Variants in NRXN2 observed in about 807,000 individuals in gnomAD.
NRXN2 encodes the protein neurexin-2-beta.
In NRXN2, 29 loss-of-function variants were observed where a neutral mutation model predicts 128.8. The observed-to-expected ratio is 0.23, with a 90% CI of 0.17 to 0.31. The LOEUF is 0.31. NRXN2 is among the 10% of genes least tolerant of loss of function. The pLI is 1.00. For synonymous variants in NRXN2, 1,098 were observed against 1,075.2 expected (o/e 1.02, Z -0.41); for missense variants, 1,881 against 2,452.6 (o/e 0.77, Z 4.92).
At chr11:64,633,227 T>C (rs1433051011) in intron 18 of NRXN2, among the ~76,000 whole-genome samples, 2 of 152,228 alleles carry the variant, frequency 1.3e-5, no homozygotes, top group Non-Finnish European at 2.9e-5. Context: ...CTGATCCCCC[T>C]ACCCTTTCTC....
intron 7 of NRXN2, among the ~76,000 whole-genome samples, chr11:64,674,469 G>A (rs947210036): frequency 6.6e-6 from 1 of 152,172 alleles, no homozygotes; most frequent in African/African-American, 2.4e-5. Context: ...TGGGATTACA[G>A]GCATGAGCCC....
chr11:64,641,142 C>T (rs902721361), intron 17 of NRXN2, among the ~76,000 whole-genome samples: 5 of 151,610 alleles, frequency 3.3e-5, no homozygotes, highest in South Asian at 2.1e-4. Context: ...TGGGAGGCGA[C>T]GGACATGGAA....
chr11:64,688,931 A>G (rs2053460923), intron 5 of NRXN2: 3 of 411,890 alleles, frequency 7.3e-6, no homozygotes, highest in Non-Finnish European at 9.8e-6. Context: ...TTACTGCCTA[A>G]TAACATCTTG....
In NRXN2 at chr11:64,630,517, G is replaced by T. The variant is rs967371207; in HGVS notation, c.3642C>A (p.Asp1214Glu). ...FNVGTDDITI[D>E]EPNAIVSDGK... is the part of the protein sequence containing the mutation. ...CGTCGCTTACTATGGCGTTGGGCTCGTCGATGGTAATGTCGTCCGTGCCCA... is the reference window on the plus strand; with the variant it reads ...CGTCGCTTACTATGGCGTTGGGCTCTTCGATGGTAATGTCGTCCGTGCCCA... Residue 1214 changes from aspartate (D) to glutamate (E), a missense_variant, in exon 19 of 23, where the codon GAC becomes GAA. Asp to Glu is a conservative substitution (Grantham distance 45, BLOSUM62 2). Coordinates refer to ENST00000265459, the MANE Select transcript of NRXN2 (RefSeq NM_015080.4). The surrounding 1 kb of genome is among the most constrained non-coding windows in gnomAD (Gnocchi z 4.6). 6.2e-7 allele frequency: 1 copy of T among 1,613,950 alleles called. No homozygotes were observed. Among genetic ancestry groups the T allele is most frequent in the Non-Finnish European group, 8.5e-7 (1 of 1,180,028 alleles).
intron 2 of NRXN2, among the ~76,000 whole-genome samples, chr11:64,709,150 C>T (rs896545929): frequency 2.6e-4 from 39 of 149,982 alleles, no homozygotes; most frequent in African/African-American, 8.4e-4. Context: ...TGAGATCGTG[C>T]CATCGCACTC....
chr11:64,693,108 GCA>G lies in NRXN2; in HGVS notation c.749-234_749-233del, dbSNP rs1410548888. 2.0e-5 allele frequency among the ~76,000 whole-genome samples: 3 copies of G among 150,708 alleles called. No individual in the cohort carries two copies. In the Admixed American group the frequency reaches 2.0e-4, roughly 10 times the overall value. The stretch of plus-strand genomic sequence containing the variant: ...CCGATGCCGAAACAGCGGGTGGAGG[GCA>G]CAACAGGGGAAGAGAGAAAGAGAGA... On this transcript the variant is annotated intron_variant, in intron 3 of 22. Transcript: ENST00000265459.
chr11:64,633,498 C>T (rs2044237388), intron 18 of NRXN2, among the ~76,000 whole-genome samples: 1 of 152,148 alleles, frequency 6.6e-6, no homozygotes, highest in Admixed American at 6.5e-5. Context: ...GGATTCAAAC[C>T]CAGACCATCT....
chr11:64,658,896 G>A (rs907294996), intron 11 of NRXN2, among the ~76,000 whole-genome samples: 3 of 152,026 alleles, frequency 2.0e-5, no homozygotes, highest in Non-Finnish European at 4.4e-5. Context: ...GTGGTGGCGG[G>A]TGCCTGTAAT....
At chr11:64,658,052 G>A (rs926027489) in intron 11 of NRXN2, among the ~76,000 whole-genome samples, 12 of 152,162 alleles carry the variant, frequency 7.9e-5, no homozygotes, top group African/African-American at 2.4e-4. Flanking sequence ...GGTCCCAAGG[G>A]CCCACAGGAT....
Position 64,617,107 on chromosome 11 carries a change from G to A in NRXN2, c.4252+3187C>T, listed in dbSNP as rs142918498. Among the ~76,000 whole-genome samples, 75 of 152,292 alleles carry A rather than the reference G, an allele frequency of 4.9e-4. No homozygotes were observed. The East Asian group carries it at 9.8e-3, about 20-fold the overall frequency. On this transcript the variant is annotated intron_variant, in intron 22 of 22. Coordinates refer to ENST00000265459, the MANE Select transcript of NRXN2 (RefSeq NM_015080.4). ...CACATGTCTCTTGGAGTCTAAGCAT[G>A]TGTGTGCCTCTGTTGGTCTAGGTAC...
rs2048831266 is a variant in NRXN2 at position 64,660,254 on chromosome 11, G to A, written c.2389+78C>T. 20 of 1,523,008 alleles carry A rather than the reference G, an allele frequency of 1.3e-5. No individual in the cohort carries two copies. Among genetic ancestry groups the A allele is most frequent in the Non-Finnish European group, 1.8e-5 (20 of 1,099,392 alleles). The allele number at this position is 1,523,008 out of a possible 1,614,324, so 94.3% of individuals were successfully genotyped here. The stretch of plus-strand genomic sequence containing the variant: ...GCACCTCTTGCTGGTGCCACCACCA[G>A]CTTCTCCAGACAGAGGCAGGTGTGG... On this transcript the variant is annotated intron_variant, in intron 11 of 22. Transcript: ENST00000265459. This position sits in a 1 kb window ranked among gnomAD's most constrained non-coding sequence, Gnocchi z 5.2.
chr11:64,632,536 T>G lies in NRXN2; in HGVS notation c.3586-1963A>C, dbSNP rs902001229. On this transcript the variant is annotated intron_variant, in intron 18 of 22. Coordinates refer to ENST00000265459, the MANE Select transcript of NRXN2 (RefSeq NM_015080.4). The surrounding 1 kb of genome is among the most constrained non-coding windows in gnomAD (Gnocchi z 4.2). Reference sequence around the variant, plus strand: ...GAATAGTATCAGCTCCCTGGATTCCTCTGAGGATTTCTCCCCACAGGCTCA... The same window carrying G: ...GAATAGTATCAGCTCCCTGGATTCCGCTGAGGATTTCTCCCCACAGGCTCA... 9.2e-5 allele frequency among the ~76,000 whole-genome samples: 14 copies of G among 152,170 alleles called. No homozygotes were observed. In the East Asian group the frequency reaches 2.7e-3, roughly 29 times the overall value.
chr11:64,633,978 C>T (rs2044312973), intron 18 of NRXN2, among the ~76,000 whole-genome samples: 2 of 152,196 alleles, frequency 1.3e-5, no homozygotes, highest in Non-Finnish European at 2.9e-5. Flanking sequence ...CCTCATGCTC[C>T]TTCCTTCACA....
At chr11:64,686,836 C>A (rs939284929) in intron 5 of NRXN2, among the ~76,000 whole-genome samples, 3 of 152,204 alleles carry the variant, frequency 2.0e-5, no homozygotes, top group African/African-American at 7.2e-5. Context: ...GGCCCTTCCA[C>A]TGGCACTTTT....
At chr11:64,609,986 C>T (rs973924489) in intron 22 of NRXN2, among the ~76,000 whole-genome samples, 2 of 152,158 alleles carry the variant, frequency 1.3e-5, no homozygotes, top group Non-Finnish European at 1.5e-5. Context: ...CACATCTTGG[C>T]GCTCTTCTCC....
In NRXN2 at chr11:64,650,616, G is replaced by A. The variant is rs1336085981; in HGVS notation, c.2941C>T (p.Leu981=). The A allele has an allele frequency of 1.2e-6, 2 of 1,614,170 alleles. No individual in the cohort carries two copies. The highest frequency in any genetic ancestry group is 4.5e-5 in the East Asian group (2 of 44,866). Residue 981 remains leucine, a synonymous_variant, in exon 15 of 23, where the codon CTG becomes TTG. Transcript: ENST00000265459. ...TTCATCAAGGACGGGCCATTCCCCA[G>A]GTCAAACACGTAGTGGATGTACCTG... ...VKGYIHYVFD[L]GNGPSLMKGN... is the part of the protein sequence containing the mutation.
chr11:64,688,431 G>C, intron 5 of NRXN2: 1 of 985,462 alleles, frequency 1.0e-6, no homozygotes, highest in Non-Finnish European at 1.2e-6. Context: ...AGGAGAGAGA[G>C]AGAGAACCTG....
chr11:64,641,734 G>A lies in NRXN2; in HGVS notation c.3404-6282C>T, dbSNP rs143344120. On this transcript the variant is annotated intron_variant, in intron 17 of 22. Coordinates refer to ENST00000265459, the MANE Select transcript of NRXN2 (RefSeq NM_015080.4). ...TGGTTATGAGGGGCAGAGATAGGAG[G>A]TGATTGTAAGTGGACAGCGATAGAG... Among the ~76,000 whole-genome samples, 140 of 152,170 alleles carry A rather than the reference G, an allele frequency of 9.2e-4. 1 individual carries two copies. The highest frequency in any genetic ancestry group is 3.2e-3 in the African/African-American group (131 of 41,494).
At position 64,712,994 on chromosome 11, in the gene NRXN2, A is replaced by C; in HGVS notation, c.706T>G (p.Phe236Val). The C allele has an allele frequency of 6.7e-7, 1 of 1,495,876 alleles. No individual in the cohort carries two copies. Among genetic ancestry groups the C allele is most frequent in the Non-Finnish European group, 8.9e-7 (1 of 1,127,708 alleles). The allele number at this position is 1,495,876 out of a possible 1,614,324, so 92.7% of individuals were successfully genotyped here. ...EVGCDCSHTGFGGKFCSEEEH... is the reference protein window; with the variant it reads ...EVGCDCSHTGVGGKFCSEEEH... ...CCTTCGCTGCAGAACTTGCCGCCGAAGCCCGTGTGGCTGCAGTCGCAGCCC... is the reference window on the plus strand; with the variant it reads ...CCTTCGCTGCAGAACTTGCCGCCGACGCCCGTGTGGCTGCAGTCGCAGCCC... The change falls in exon 2 of 23, where the codon TTC becomes GTC. Residue 236 changes from phenylalanine (F) to valine (V), a missense_variant. Around this residue, in one of 7 missense-constraint regions of NRXN2, gnomAD observed 997 missense variants for 1,240.8 expected, o/e 0.80. Transcript: ENST00000265459.
Sources: gnomAD v4.1 joint callset for allele counts (sites outside exome capture counted in the v4.1 genomes callset) on GRCh38, gnomAD v4.1.1 for gene constraint, gnomAD v4.1.1 regional missense constraint, Gnocchi (gnomAD v3.1) non-coding constraint, MANE v1.5 for transcripts, NCBI Gene and HGNC (gene_info 2026-07-23, HGNC 2026-07-21) for gene names.